Variants in MAPK4 observed in about 807,000 individuals in gnomAD.
MAPK4 encodes mitogen-activated protein kinase 4, also known as Erk3-related.
Under a neutral mutation model 47.7 loss-of-function variants are expected in MAPK4, and 22 were observed. That is an observed-to-expected ratio of 0.46 (90% CI 0.33 to 0.66). MAPK4 has a LOEUF of 0.66. MAPK4 is among the 30% of genes least tolerant of loss of function. MAPK4 has a pLI of 0.02. For missense variants in MAPK4, 736 were observed against 831.7 expected (o/e 0.88, Z 1.42); for synonymous variants, 390 against 365.7 (o/e 1.07, Z -0.76).
chr18:50,594,749 A>G (rs531315074), intron 1 of MAPK4, among the ~76,000 whole-genome samples: 1 of 152,326 alleles, frequency 6.6e-6, no homozygotes, highest in South Asian at 2.1e-4. Flanking sequence ...TCAAAACCAA[A>G]TATGTCTCTT....
At chr18:50,707,178 C>G (rs762302954) in intron 2 of MAPK4, among the ~76,000 whole-genome samples, 2 of 152,152 alleles carry the variant, frequency 1.3e-5, no homozygotes, top group Non-Finnish European at 2.9e-5. Flanking sequence ...CAAACCCATA[C>G]AGATAGAAAG....
chr18:50,696,261 G>A (rs1439889153), intron 2 of MAPK4, among the ~76,000 whole-genome samples: 1 of 152,206 alleles, frequency 6.6e-6, no homozygotes, highest in African/African-American at 2.4e-5. Flanking sequence ...TACTCATTGT[G>A]GGAAGAAAAC....
Position 50,571,070 on chromosome 18 carries a change from T to C in MAPK4, c.-871+10827T>C, listed in dbSNP as rs72917609. 5.1e-3 allele frequency among the ~76,000 whole-genome samples: 774 copies of C among 152,254 alleles called. 3 individuals carry two copies. The highest frequency in any genetic ancestry group is 7.9e-3 in the Non-Finnish European group (540 of 68,004). ...CCCTCACCCTTCAGGTGTGTAATCA[T>C]TGGGTAAAGAGAAGGGAGGTGTGGG... On this transcript the variant is annotated intron_variant, in intron 1 of 5. Transcript: ENST00000400384.
At position 50,729,556 on chromosome 18, in the gene MAPK4, T is replaced by C. The variant is rs775093065; in HGVS notation, c.1466T>C (p.Leu489Pro). 1.9e-5 allele frequency: 27 copies of C among 1,426,996 alleles called. No individual in the cohort carries two copies. Among genetic ancestry groups the C allele is most frequent in the Non-Finnish European group, 9.2e-7 (1 of 1,089,648 alleles). 88.4% of individuals were successfully genotyped at this position (1,426,996 alleles called of 1,614,324 possible). A position where few individuals can be genotyped will look rare whatever the true frequency, so the allele number is the denominator to read the frequency against. ...GCGCGCGAGGACGAGCCGGCCAGCC[T>C]CTTCCTGGAGATCGCGCAGTGGGTC... The part of the protein sequence containing the change: ...TGAREDEPAS[L>P]FLEIAQWVKS... Residue 489 changes from leucine (L) to proline (P), a missense_variant, in exon 6 of 6, where the codon CTC (leucine) becomes CCC (proline). Physicochemically the swap from Leu to Pro is moderately conservative, Grantham distance 98. Around this residue, in one of 3 missense-constraint regions of MAPK4, gnomAD observed 377 missense variants for 378.6 expected, o/e 1.00. Coordinates refer to ENST00000400384, the MANE Select transcript of MAPK4 (RefSeq NM_002747.4).
intron 4 of MAPK4, among the ~76,000 whole-genome samples, chr18:50,723,025 G>A (rs1451456723): frequency 1.3e-5 from 2 of 152,220 alleles, no homozygotes; most frequent in African/African-American, 4.8e-5. Context: ...AGGAGTTTCT[G>A]AGGGGCGGTG....
intron 1 of MAPK4, among the ~76,000 whole-genome samples, chr18:50,630,827 C>G (rs2042822925): frequency 6.6e-6 from 1 of 152,246 alleles, no homozygotes; most frequent in African/African-American, 2.4e-5. Flanking sequence ...CTGAATCAGC[C>G]TCCACATTTG....
intron 1 of MAPK4, among the ~76,000 whole-genome samples, chr18:50,646,296 C>A (rs1199916411): frequency 1.3e-5 from 2 of 152,230 alleles, no homozygotes; most frequent in African/African-American, 4.8e-5. Context: ...TGGGCCTTTG[C>A]CTTCTCCCAT....
intron 1 of MAPK4, among the ~76,000 whole-genome samples, chr18:50,596,837 A>G (rs1010628234): frequency 6.6e-6 from 1 of 152,260 alleles, no homozygotes; most frequent in Non-Finnish European, 1.5e-5. Context: ...AACTTCACAC[A>G]GTCTCAGCCC....
At chr18:50,697,778 G>A (rs537133747) in intron 2 of MAPK4, among the ~76,000 whole-genome samples, 1 of 152,182 alleles carries the variant, frequency 6.6e-6, no homozygotes, top group Admixed American at 6.5e-5. Context: ...CAGCCATCTG[G>A]AGATAGAAAT....
intron 2 of MAPK4, among the ~76,000 whole-genome samples, chr18:50,671,147 C>T (rs1907927580): frequency 6.6e-6 from 1 of 152,150 alleles, no homozygotes; most frequent in Non-Finnish European, 1.5e-5. Context: ...GTGGGAATCT[C>T]AGGCTCTGTG....
intron 2 of MAPK4, among the ~76,000 whole-genome samples, chr18:50,688,190 G>T (rs1908998488): frequency 6.6e-6 from 1 of 152,176 alleles, no homozygotes; most frequent in South Asian, 2.1e-4. Context: ...AATGGAGATT[G>T]CAAAAGCTCT....
At position 50,716,041 on chromosome 18, in the gene MAPK4, T is replaced by A. The variant is rs112365869; in HGVS notation, c.691+818T>A. On this transcript the variant is annotated intron_variant, in intron 3 of 5. Transcript: ENST00000400384. Reference sequence around the variant, plus strand: ...GAACCTTCAAAACCCAGCTTATGTCTTGTCCTCCATGACGTCTCTCCTAAT... The same window carrying A: ...GAACCTTCAAAACCCAGCTTATGTCATGTCCTCCATGACGTCTCTCCTAAT... 9.3e-4 allele frequency among the ~76,000 whole-genome samples: 142 copies of A among 152,336 alleles called. 1 individual carries two copies. Among genetic ancestry groups the A allele is most frequent in the South Asian group, 7.2e-3 (35 of 4,830 alleles).
chr18:50,654,121 G>A (rs749796258), intron 1 of MAPK4, among the ~76,000 whole-genome samples: 7 of 152,288 alleles, frequency 4.6e-5, no homozygotes, highest in East Asian at 1.9e-4. Flanking sequence ...AAGATAATAC[G>A]GACTCCTGTG....
chr18:50,604,315 G>C (rs1444770740), intron 1 of MAPK4, among the ~76,000 whole-genome samples: 1 of 152,178 alleles, frequency 6.6e-6, no homozygotes. Context: ...ACATAGTGGT[G>C]AATGTTAAAG....
chr18:50,600,380 G>A (rs2042524667), intron 1 of MAPK4, among the ~76,000 whole-genome samples: 1 of 152,216 alleles, frequency 6.6e-6, no homozygotes, highest in South Asian at 2.1e-4. Flanking sequence ...ATTGGTTGAA[G>A]GCATTCCTCC....
chr18:50,634,315 C>CTTTTTTTTTTTTT (rs5824846), intron 1 of MAPK4, among the ~76,000 whole-genome samples: 1 of 143,828 alleles, frequency 7.0e-6, no homozygotes, highest in Non-Finnish European at 1.5e-5. Context: ...TTTTTTTTTT[C>CTTTTTTTTTTTTT]TTTTTTTTTT....
At chr18:50,691,602 T>A (rs532918499) in intron 2 of MAPK4, among the ~76,000 whole-genome samples, 1 of 152,336 alleles carries the variant, frequency 6.6e-6, no homozygotes, top group African/African-American at 2.4e-5. Context: ...TATGTGGTCA[T>A]TTAAATGCCA....
chr18:50,729,446 G>T lies in MAPK4; in HGVS notation c.1356G>T (p.Ser452=). The change falls in exon 6 of 6, where the codon TCG becomes TCT. Residue 452 remains serine, a synonymous_variant. Coordinates refer to ENST00000400384, the MANE Select transcript of MAPK4 (RefSeq NM_002747.4). ...LWRDNKPHHY[S]EPKLILDLSH... is the part of the protein sequence containing the mutation. ...GCGACAACAAGCCGCACCACTACTCGGAGCCCAAGCTCATCCTGGACCTGT... is the reference window on the plus strand; with the variant it reads ...GCGACAACAAGCCGCACCACTACTCTGAGCCCAAGCTCATCCTGGACCTGT... 6.5e-7 allele frequency: 1 copy of T among 1,532,304 alleles called. No homozygotes were observed. Among genetic ancestry groups the T allele is most frequent in the East Asian group, 2.4e-5 (1 of 41,526 alleles). 94.9% of individuals were successfully genotyped at this position (1,532,304 alleles called of 1,614,324 possible).
intron 1 of MAPK4, among the ~76,000 whole-genome samples, chr18:50,582,846 C>G (rs1337004634): frequency 6.6e-6 from 1 of 152,198 alleles, no homozygotes; most frequent in Non-Finnish European, 1.5e-5. Context: ...TCAGAGATGC[C>G]AGCAATCATG....
Sources: allele counts gnomAD v4.1 joint callset (sites outside exome capture counted in the v4.1 genomes callset), GRCh38; gene constraint gnomAD v4.1.1; regional missense constraint gnomAD v4.1.1; transcripts MANE v1.5; gene names NCBI Gene and HGNC (gene_info 2026-07-23, HGNC 2026-07-21).